The following CDIN1 variants were observed in gnomAD, a reference collection of about 807,000 sequenced individuals.
CDIN1 encodes the protein CDAN1 interacting nuclease 1.
Under a neutral mutation model 45.3 loss-of-function variants are expected in CDIN1, and 33 were observed. The observed-to-expected ratio is 0.73, with a 90% CI of 0.55 to 0.97. CDIN1 has a LOEUF of 0.97. Among genes scored for constraint, CDIN1 ranks in the 50% least tolerant of loss-of-function variants. CDIN1 has a pLI of 0.00. For missense variants in CDIN1, 303 were observed against 339.4 expected, an observed-to-expected ratio of 0.89 and a Z score of 0.84; for synonymous variants, 118 against 124.4, an observed-to-expected ratio of 0.95 and a Z score of 0.34.
intron 5 of CDIN1, among the ~76,000 whole-genome samples, chr15:36,659,968 T>TTTC (rs1555390759): frequency 8.5e-5 from 12 of 141,108 alleles, no homozygotes; most frequent in African/African-American, 2.4e-4. Flanking sequence ...TTCCTTTTCT[T>TTTC]TTTTTTTTTT....
intron 7 of CDIN1, among the ~76,000 whole-genome samples, chr15:36,696,887 G>T (rs2042446063): frequency 6.9e-6 from 1 of 145,060 alleles, no homozygotes; most frequent in African/African-American, 2.6e-5. Context: ...TGAGGTCGGA[G>T]AATCACTTGA....
chr15:36,604,355 G>A lies in CDIN1; in HGVS notation c.101+24394G>A, dbSNP rs1184066422. 1.4e-4 allele frequency among the ~76,000 whole-genome samples: 20 copies of A among 144,450 alleles called. No homozygotes were observed. The Admixed American group carries it at 1.4e-3, about 10-fold the overall frequency. The allele number at this position is 144,450 out of a possible 152,430, so 94.8% of individuals were successfully genotyped here. A position where few individuals can be genotyped will look rare whatever the true frequency, so the allele number is the denominator to read the frequency against. On this transcript the variant is annotated intron_variant, in intron 1 of 10. Coordinates refer to ENST00000566621, the MANE Select transcript of CDIN1 (RefSeq NM_001321759.2). ...GTTTTCTAAATTTGATTACCATGTA[G>A]ACCCAACAGCAAACCCAAAAAAATT...
intron 1 of CDIN1, among the ~76,000 whole-genome samples, chr15:36,609,802 A>T (rs1426668554): frequency 6.6e-6 from 1 of 152,190 alleles, no homozygotes. Flanking sequence ...CAGTTTGTCC[A>T]TGTGGATAGA....
chr15:36,598,095 A>G (rs1417118524), intron 1 of CDIN1, among the ~76,000 whole-genome samples: 1 of 152,082 alleles, frequency 6.6e-6, no homozygotes, highest in Admixed American at 6.5e-5. Context: ...GGCTCAGGTG[A>G]TCCTTACACC....
intron 10 of CDIN1, among the ~76,000 whole-genome samples, chr15:36,774,163 T>TGCGTGC (rs1555407090): frequency 1.4e-5 from 2 of 143,070 alleles, no homozygotes; most frequent in African/African-American, 2.7e-5. Context: ...TGTGTGTGTG[T>TGCGTGC]GCGCGCGCGC....
chr15:36,621,189 C>CGT, intron 1 of CDIN1, among the ~76,000 whole-genome samples: 1 of 152,154 alleles, frequency 6.6e-6, no homozygotes. Context: ...TGTACAATTA[C>CGT]GTGTAAATTG....
intron 10 of CDIN1, among the ~76,000 whole-genome samples, chr15:36,723,372 T>G (rs749074363): frequency 9.2e-5 from 14 of 152,128 alleles, no homozygotes; most frequent in Non-Finnish European, 1.5e-4. Context: ...TAGTCATCTT[T>G]GATAACCAGC....
chr15:36,696,248 T>C (rs142401612), intron 7 of CDIN1, among the ~76,000 whole-genome samples: 63 of 152,352 alleles, frequency 4.1e-4, no homozygotes, highest in African/African-American at 1.5e-3. Flanking sequence ...TGCATACGCA[T>C]ACACACACGA....
intron 10 of CDIN1, among the ~76,000 whole-genome samples, chr15:36,730,705 A>C (rs1052278656): frequency 2.6e-5 from 4 of 152,088 alleles, no homozygotes; most frequent in Non-Finnish European, 5.9e-5. Flanking sequence ...CCCTCACCCC[A>C]CAAATGTATT....
chr15:36,595,708 G>A (rs368389766), intron 1 of CDIN1, among the ~76,000 whole-genome samples: 2 of 152,182 alleles, frequency 1.3e-5, no homozygotes, highest in South Asian at 4.1e-4. Flanking sequence ...ATGCTTTCAG[G>A]ACATAACGAA....
chr15:36,670,208 ATT>A (rs1224733639), intron 5 of CDIN1, among the ~76,000 whole-genome samples: 1 of 152,038 alleles, frequency 6.6e-6, no homozygotes, highest in African/African-American at 2.4e-5. Context: ...ATACATTTTA[ATT>A]TTTTCTTTTA....
chr15:36,598,856 G>A (rs1016835441), intron 1 of CDIN1, among the ~76,000 whole-genome samples: 6 of 151,876 alleles, frequency 4.0e-5, no homozygotes, highest in African/African-American at 1.5e-4. Context: ...TTTGGCCATG[G>A]TAGTTACTTT....
intron 1 of CDIN1, among the ~76,000 whole-genome samples, chr15:36,634,972 T>A (rs533879597): frequency 6.6e-6 from 1 of 152,346 alleles, no homozygotes; most frequent in East Asian, 1.9e-4. Context: ...CTAATTTAAT[T>A]ACTATTTGAT....
rs546911296 is a variant in CDIN1 at position 36,767,492 on chromosome 15, T to C, written c.717-40832T>C. On this transcript the variant is annotated intron_variant, in intron 10 of 10. Coordinates refer to ENST00000566621, the MANE Select transcript of CDIN1 (RefSeq NM_001321759.2). ...TTGAATTCTAGTTGTGAAAGAACTA[T>C]TTTAAGAGTTGACACAGTTACATGT... is the stretch of plus-strand genomic sequence containing the variant. Among the ~76,000 whole-genome samples the C allele has an allele frequency of 1.9e-3, 296 of 152,312 alleles. 1 individual carries two copies. The highest frequency in any genetic ancestry group is 6.7e-3 in the African/African-American group (279 of 41,560).
chr15:36,685,845 C>A (rs1367979320), intron 5 of CDIN1, among the ~76,000 whole-genome samples: 1 of 152,136 alleles, frequency 6.6e-6, no homozygotes, highest in South Asian at 2.1e-4. Context: ...AAATGCAAAT[C>A]AAAACCACAA....
chr15:36,625,346 A>G (rs2039377233), intron 1 of CDIN1, among the ~76,000 whole-genome samples: 1 of 152,090 alleles, frequency 6.6e-6, no homozygotes, highest in Non-Finnish European at 1.5e-5. Flanking sequence ...AACTGTGCTT[A>G]TTAGACATAG....
At chr15:36,739,224 TCAA>T (rs1311064500) in intron 10 of CDIN1, among the ~76,000 whole-genome samples, 3 of 152,258 alleles carry the variant, frequency 2.0e-5, no homozygotes, top group East Asian at 1.9e-4. Flanking sequence ...AGACCCTGTT[TCAA>T]CAACAACAAA....
chr15:36,747,544 T>C (rs547204797), intron 10 of CDIN1, among the ~76,000 whole-genome samples: 1 of 152,334 alleles, frequency 6.6e-6, no homozygotes, highest in Non-Finnish European at 1.5e-5. Context: ...AATCACAGAC[T>C]TAGTCTTCTT....
intron 10 of CDIN1, among the ~76,000 whole-genome samples, chr15:36,733,220 T>C (rs769090452): frequency 6.6e-6 from 1 of 152,114 alleles, no homozygotes; most frequent in Non-Finnish European, 1.5e-5. Flanking sequence ...ATTTCCCAAC[T>C]TAAGGACTAT....
Sources: gnomAD v4.1 joint callset for allele counts (sites outside exome capture counted in the v4.1 genomes callset) on GRCh38, gnomAD v4.1.1 for gene constraint, MANE v1.5 for transcripts, NCBI Gene and HGNC (gene_info 2026-07-23, HGNC 2026-07-21) for gene names.